Variants in GALNT13 observed in about 807,000 individuals in gnomAD.
GALNT13 encodes the protein polypeptide N-acetylgalactosaminyltransferase 13, also known as UDP-GalNAc:polypeptide N-acetylgalactosaminyltransferase 13.
A neutral mutation model predicts 64.2 loss-of-function variants in GALNT13; 28 were observed. That is an observed-to-expected ratio of 0.44 (90% CI 0.32 to 0.60). GALNT13 has a LOEUF of 0.60. GALNT13 is among the 20% of genes least tolerant of loss of function. GALNT13 has a pLI of 0.05. For missense variants in GALNT13, 577 were observed against 669.8 expected, an observed-to-expected ratio of 0.86 and a Z score of 1.53; for synonymous variants, 214 against 224.6, an observed-to-expected ratio of 0.95 and a Z score of 0.42.
At chr2:154,000,099 C>G (rs2105217555) in intron 3 of GALNT13, among the ~76,000 whole-genome samples, 1 of 151,410 alleles carries the variant, frequency 6.6e-6, no homozygotes, top group East Asian at 1.9e-4. Flanking sequence ...CCCATTTCTT[C>G]TAAATTTTCC....
chr2:154,399,505 C>T (rs1471568195), intron 10 of GALNT13, among the ~76,000 whole-genome samples: 2 of 152,058 alleles, frequency 1.3e-5, no homozygotes, highest in Non-Finnish European at 2.9e-5. Flanking sequence ...AGGGGCAGGA[C>T]AGCTCCCTTC....
At chr2:153,617,020 T>C in the GALNT13 span, among the ~76,000 whole-genome samples, 2 of 151,994 alleles carry the variant, frequency 1.3e-5, no homozygotes, top group East Asian at 3.9e-4. Flanking sequence ...AACAGCCACT[T>C]TCAGCATTGG....
chr2:153,565,691 G>T, the GALNT13 span, among the ~76,000 whole-genome samples: 2 of 152,068 alleles, frequency 1.3e-5, no homozygotes, highest in Non-Finnish European at 2.9e-5. Context: ...TTCCCTTAAA[G>T]TCACAGTTTC....
At chr2:154,280,435 G>A (rs903037308) in intron 8 of GALNT13, among the ~76,000 whole-genome samples, 4 of 152,090 alleles carry the variant, frequency 2.6e-5, no homozygotes, top group Non-Finnish European at 2.9e-5. Context: ...TTCTCAAGAG[G>A]AGACAGGTTG....
At chr2:153,506,040 C>T in the GALNT13 span, among the ~76,000 whole-genome samples, 4 of 152,042 alleles carry the variant, frequency 2.6e-5, no homozygotes, top group African/African-American at 4.8e-5. Context: ...GTTTTAGGTG[C>T]GTATATATTT....
chr2:153,443,207 G>A, the GALNT13 span, among the ~76,000 whole-genome samples: 16 of 152,250 alleles, frequency 1.1e-4, 1 homozygote, highest in Admixed American at 6.5e-5. Flanking sequence ...CCTGTTTTGC[G>A]GATTGCAAAC....
chr2:153,927,860 A>G (rs80187886), intron 2 of GALNT13, among the ~76,000 whole-genome samples: 4 of 152,084 alleles, frequency 2.6e-5, no homozygotes, highest in Non-Finnish European at 5.9e-5. Flanking sequence ...GAAGAAGACT[A>G]TTTCACCTAT....
the GALNT13 span, among the ~76,000 whole-genome samples, chr2:153,263,963 T>G: frequency 2.0e-5 from 3 of 152,046 alleles, no homozygotes; most frequent in Non-Finnish European, 2.9e-5. Context: ...TAATTAAACT[T>G]AAGAGCTTCT....
the GALNT13 span, among the ~76,000 whole-genome samples, chr2:153,140,902 G>T: frequency 6.6e-6 from 1 of 151,948 alleles, no homozygotes; most frequent in East Asian, 1.9e-4. Context: ...AATTTAAAGT[G>T]TTTAATTCAA....
chr2:154,170,317 T>C (rs1029135276), intron 4 of GALNT13, among the ~76,000 whole-genome samples: 2 of 152,128 alleles, frequency 1.3e-5, no homozygotes, highest in Admixed American at 1.3e-4. Context: ...CCAGAAATAA[T>C]GCTTTTCCAG....
the GALNT13 span, among the ~76,000 whole-genome samples, chr2:153,284,503 C>T: frequency 6.6e-6 from 1 of 152,102 alleles, no homozygotes; most frequent in East Asian, 1.9e-4. Flanking sequence ...GATCTTGGTC[C>T]TCATTCTGGG....
At chr2:154,320,306 C>T (rs187722022) in intron 9 of GALNT13, among the ~76,000 whole-genome samples, 2 of 152,206 alleles carry the variant, frequency 1.3e-5, no homozygotes, top group East Asian at 3.9e-4. Context: ...TATTAAAGAG[C>T]AAAAGAACCA....
chr2:153,244,425 G>A, the GALNT13 span, among the ~76,000 whole-genome samples: 1 of 152,190 alleles, frequency 6.6e-6, no homozygotes, highest in Non-Finnish European at 1.5e-5. Context: ...CAGAAGGTGG[G>A]TGATTTCTGC....
intron 3 of GALNT13, among the ~76,000 whole-genome samples, chr2:154,043,072 G>A (rs1314505560): frequency 6.6e-6 from 1 of 151,992 alleles, no homozygotes; most frequent in East Asian, 1.9e-4. Flanking sequence ...CCAAGTAAAA[G>A]CAATGAGAAC....
At chr2:153,506,721 TA>T in the GALNT13 span, among the ~76,000 whole-genome samples, 1 of 152,228 alleles carries the variant, frequency 6.6e-6, no homozygotes, top group East Asian at 1.9e-4. Context: ...GTTACTCTTA[TA>T]GGTTTTCCTT....
At chr2:153,565,378 G>C in the GALNT13 span, among the ~76,000 whole-genome samples, 2 of 152,092 alleles carry the variant, frequency 1.3e-5, no homozygotes, top group Non-Finnish European at 2.9e-5. Context: ...TGTACTTTTA[G>C]AATTAACATT....
intron 4 of GALNT13, among the ~76,000 whole-genome samples, chr2:154,153,688 C>T (rs989154200): frequency 2.0e-5 from 3 of 152,202 alleles, no homozygotes; most frequent in Admixed American, 2.0e-4. Flanking sequence ...TCTCAGACTG[C>T]TGTGCTAGCA....
At chr2:153,535,782 A>G in the GALNT13 span, among the ~76,000 whole-genome samples, 1 of 152,192 alleles carries the variant, frequency 6.6e-6, no homozygotes, top group Non-Finnish European at 1.5e-5. Flanking sequence ...TAAGGCATAT[A>G]AAGGTTTCAC....
chr2:153,213,238 C>T, the GALNT13 span, among the ~76,000 whole-genome samples: 9 of 152,168 alleles, frequency 5.9e-5, no homozygotes, highest in African/African-American at 1.9e-4. Flanking sequence ...CCCATCAAGT[C>T]CCATGGGGGT....
Sources: gnomAD v4.1 joint callset for allele counts (sites outside exome capture counted in the v4.1 genomes callset) on GRCh38, gnomAD v4.1.1 for gene constraint, MANE v1.5 for transcripts, NCBI Gene and HGNC (gene_info 2026-07-23, HGNC 2026-07-21) for gene names.